TRIM77: variants seen among roughly 807,000 people sequenced by gnomAD.
TRIM77 encodes the protein tripartite motif containing 77.
In TRIM77, 23 loss-of-function variants were observed where a neutral mutation model predicts 31.8. The observed-to-expected ratio is 0.72, with a 90% CI of 0.52 to 1.02. The LOEUF (loss-of-function observed/expected upper bound fraction) is 1.02. Ranked by LOEUF, TRIM77 falls within the 50% of genes least tolerant of loss-of-function variation. The probability of loss-of-function intolerance (pLI) is 0.00; values close to 1 mark genes in which losing one functional copy is unlikely to be tolerated. For missense variants in TRIM77, 446 were observed against 539.2 expected, an observed-to-expected ratio of 0.83 and a Z score of 1.71; for synonymous variants, 159 against 183.1, an observed-to-expected ratio of 0.87 and a Z score of 1.06.
chr11:89,717,570 T>C lies in TRIM77; in HGVS notation c.1051T>C (p.Cys351Arg). The C allele has an allele frequency of 6.4e-7, 1 of 1,551,488 alleles. No homozygotes were observed. Among genetic ancestry groups the C allele is most frequent in the Non-Finnish European group, 8.7e-7 (1 of 1,146,900 alleles). The change falls in exon 6 of 6, where the codon TGT (cysteine) becomes CGT (arginine). Residue 351 changes from cysteine to arginine, a missense_variant. This residue lies in a region of TRIM77 where 366 missense variants were observed against 447.9 expected (regional missense o/e 0.82). Transcript: ENST00000398290. ...HYWEVDVKDS[C>R]NWVIGLCREA... Reference sequence around the variant, plus strand: ...CTGGGAGGTGGATGTGAAAGACTCTTGTAATTGGGTTATAGGACTTTGCAG... The same window carrying C: ...CTGGGAGGTGGATGTGAAAGACTCTCGTAATTGGGTTATAGGACTTTGCAG...
Position 89,715,102 on chromosome 11 carries a change from T to C in TRIM77, c.739-56T>C, listed in dbSNP as rs1338371132. 9 of 1,527,344 alleles carry C rather than the reference T, an allele frequency of 5.9e-6. No homozygotes were observed. In the African/African-American group the frequency reaches 9.6e-5, roughly 16 times the overall value. The allele number at this position is 1,527,344 out of a possible 1,614,324, so 94.6% of individuals were successfully genotyped here. A position where few individuals can be genotyped will look rare whatever the true frequency, so the allele number is the denominator to read the frequency against. On this transcript the variant is annotated intron_variant, in intron 3 of 5. Coordinates refer to ENST00000398290, the MANE Select transcript of TRIM77 (RefSeq NM_001146162.1). ...ATATCCTCAGACTGCATGTCTAGGATATATTGAGAGAACCATGTTGTGCTG... is the reference window on the plus strand; with the variant it reads ...ATATCCTCAGACTGCATGTCTAGGACATATTGAGAGAACCATGTTGTGCTG...
chr11:89,717,847 C>G lies in TRIM77; in HGVS notation c.1328C>G (p.Pro443Arg), dbSNP rs554542454. 5 of 1,542,442 alleles carry G rather than the reference C, an allele frequency of 3.2e-6. No homozygotes were observed. In the South Asian group the frequency reaches 6.1e-5, roughly 19 times the overall value. The stretch of plus-strand genomic sequence containing the variant: ...CGCATCTTCTATTTTCCTCTCAGAC[C>G]TTTCATTTGCCACGGATCTAAATAA... ...LSRIFYFPLR[P>R]FICHGSK The change falls in exon 6 of 6, where the codon CCT becomes CGT. Residue 443 changes from proline to arginine, a missense_variant. By Grantham distance (103) the Pro-to-Arg change is moderately radical (BLOSUM62 -2). Transcript: ENST00000398290.
Position 89,710,566 on chromosome 11 carries a change from A to G in TRIM77, c.268A>G (p.Met90Val), listed in dbSNP as rs771263837. 3.9e-6 allele frequency: 6 copies of G among 1,551,488 alleles called. No homozygotes were observed. The highest frequency in any genetic ancestry group is 1.7e-4 in the Middle Eastern group (1 of 5,990). Residue 90 changes from methionine (M) to valine (V), a missense_variant, in exon 1 of 6, where the codon ATG becomes GTG. Physicochemically the swap from Met to Val is conservative, Grantham distance 21. This residue lies in a region of TRIM77 where 366 missense variants were observed against 447.9 expected (regional missense o/e 0.82). Coordinates refer to ENST00000398290, the MANE Select transcript of TRIM77 (RefSeq NM_001146162.1). ...SVPCQLSSSAMLICRRHQEIK... is the reference protein window; with the variant it reads ...SVPCQLSSSAVLICRRHQEIK... ...CCCCTGCCAGTTATCAAGCTCTGCC[A>G]TGCTGATCTGTAGGAGACACCAGGA...
chr11:89,710,866 T>TA (rs1341921079), intron 1 of TRIM77, among the ~76,000 whole-genome samples, 157 bp downstream of exon 1: 2 of 152,190 alleles, frequency 1.3e-5, no homozygotes, highest in Non-Finnish European at 2.9e-5. Context: ...TTCTAGACAC[T>TA]AAGATAAAGC....
chr11:89,711,981 C>A (rs1949125715), intron 2 of TRIM77, among the ~76,000 whole-genome samples: 1 of 152,158 alleles, frequency 6.6e-6, no homozygotes, highest in Admixed American at 6.6e-5. Flanking sequence ...ATGTGAGTAA[C>A]TCCTCTTGAT....
In TRIM77 at chr11:89,715,909, G is replaced by C. The variant is rs950832246; in HGVS notation, c.781G>C (p.Ala261Pro). ...TTGCAGGAATGAGTTTCTGAGGCTGGCCATGCCTCAGCCTGTGAACCCACA... is the reference window on the plus strand; with the variant it reads ...TTGCAGGAATGAGTTTCTGAGGCTGCCCATGCCTCAGCCTGTGAACCCACA... ...VMKRNEFLRL[A>P]MPQPVNPQLS... The change falls in exon 5 of 6, where the codon GCC becomes CCC. Residue 261 changes from alanine to proline, a missense_variant. Coordinates refer to ENST00000398290, the MANE Select transcript of TRIM77 (RefSeq NM_001146162.1). The C allele has an allele frequency of 8.4e-6, 13 of 1,538,708 alleles. No homozygotes were observed. The highest frequency in any genetic ancestry group is 2.4e-5 in the South Asian group (2 of 83,062).
At chr11:89,716,894 G>T (rs1472555479) in intron 5 of TRIM77, among the ~76,000 whole-genome samples, 2 of 151,902 alleles carry the variant, frequency 1.3e-5, no homozygotes, top group African/African-American at 4.8e-5. Flanking sequence ...TTAAATAAAG[G>T]CCCATTTTGA....
At chr11:89,717,351 T>C (rs1313302252) in intron 5 of TRIM77, 28 bp from the exon 6 acceptor site, 5 of 1,503,786 alleles carry the variant, frequency 3.3e-6, no homozygotes, top group Non-Finnish European at 4.5e-6. Flanking sequence ...AACTGTTTTT[T>C]TGCATTCACT....
intron 2 of TRIM77, among the ~76,000 whole-genome samples, chr11:89,713,275 C>CA (rs1185402054): frequency 0.016 from 671 of 41,210 alleles, 6 homozygotes; most frequent in African/African-American, 0.031. Context: ...GACTCCGTCT[C>CA]AAAAAAAAAA....
intron 2 of TRIM77, 78 bp downstream of exon 2, chr11:89,711,583 C>T: frequency 1.4e-6 from 1 of 714,906 alleles, no homozygotes; most frequent in South Asian, 1.8e-5. Context: ...TTGAGTTAAC[C>T]ATGTGTCCCC....
Position 89,710,581 on chromosome 11 carries a change from A to G in TRIM77, c.283A>G (p.Arg95Gly), listed in dbSNP as rs1443753098. 6 of 1,551,578 alleles carry G rather than the reference A, an allele frequency of 3.9e-6. No homozygotes were observed. The Admixed American group carries it at 9.8e-5, about 25-fold the overall frequency. The change falls in exon 1 of 6, where the codon AGA becomes GGA. Residue 95 changes from arginine (R) to glycine (G), a missense_variant. Around this residue, in one of 3 missense-constraint regions of TRIM77, gnomAD observed 366 missense variants for 447.9 expected, o/e 0.82. Coordinates refer to ENST00000398290, the MANE Select transcript of TRIM77 (RefSeq NM_001146162.1). ...AAGCTCTGCCATGCTGATCTGTAGGAGACACCAGGAAATCAAGAACCTCAT... is the reference window on the plus strand; with the variant it reads ...AAGCTCTGCCATGCTGATCTGTAGGGGACACCAGGAAATCAAGAACCTCAT... Reference protein sequence around the residue: ...LSSSAMLICRRHQEIKNLICE... With the variant: ...LSSSAMLICRGHQEIKNLICE...
rs1206829995 is a variant in TRIM77 at position 89,714,990 on chromosome 11, G to T, written c.739-168G>T. ...TGACTACATGTAGACGTCAGACTGG[G>T]TTTCATATTTATAAAGAAAAAGAAA... On this transcript the variant is annotated intron_variant, in intron 3 of 5. Transcript: ENST00000398290. Among the ~76,000 whole-genome samples, 6 of 152,204 alleles carry T rather than the reference G, an allele frequency of 3.9e-5. No individual in the cohort carries two copies. The East Asian group carries it at 9.7e-4, about 25-fold the overall frequency.
In TRIM77 at chr11:89,714,266, G is replaced by C; in HGVS notation, c.582G>C (p.Glu194Asp). ...PKVCQYLREE[E>D]QKHVESLARE... ...TGTGTCAATACCTCCGTGAAGAAGA[G>C]CAAAAGCACGTAGAGAGCCTGGCAA... Residue 194 changes from glutamate (E) to aspartate (D), a missense_variant, in exon 3 of 6, where the codon GAG becomes GAC. Physicochemically the swap from Glu to Asp is conservative, Grantham distance 45. Coordinates refer to ENST00000398290, the MANE Select transcript of TRIM77 (RefSeq NM_001146162.1). 1 of 1,551,694 alleles carries C rather than the reference G, an allele frequency of 6.4e-7. No individual in the cohort carries two copies. Among genetic ancestry groups the C allele is most frequent in the Non-Finnish European group, 8.7e-7 (1 of 1,147,004 alleles).
chr11:89,717,257 C>A, intron 5 of TRIM77, 122 bp from the exon 6 acceptor site: 1 of 903,052 alleles, frequency 1.1e-6, no homozygotes, highest in South Asian at 1.9e-5. Context: ...TAAACAAAAC[C>A]AGTTGCTTTT....
In TRIM77 at chr11:89,717,464, T is replaced by C. The variant is rs1269575305; in HGVS notation, c.945T>C (p.Asp315=). The C allele has an allele frequency of 3.2e-6, 5 of 1,551,468 alleles. No individual in the cohort carries two copies. The highest frequency in any genetic ancestry group is 1.4e-5 in the African/African-American group (1 of 73,038). The change falls in exon 6 of 6, where the codon GAT becomes GAC. Residue 315 remains aspartate (D), a synonymous_variant. Coordinates refer to ENST00000398290, the MANE Select transcript of TRIM77 (RefSeq NM_001146162.1). ...GGCATTTGCAGTGCAGCCTTGATGATACAGACATGTCCTGTAATCCAACAA... is the reference window on the plus strand; with the variant it reads ...GGCATTTGCAGTGCAGCCTTGATGACACAGACATGTCCTGTAATCCAACAA... The part of the protein sequence containing the change: ...DLRHLQCSLD[D]TDMSCNPTST...
At chr11:89,714,974 G>A (rs1253600601) in intron 3 of TRIM77, among the ~76,000 whole-genome samples, 184 bp from the exon 4 acceptor site, 4 of 152,106 alleles carry the variant, frequency 2.6e-5, no homozygotes, top group African/African-American at 9.7e-5. Context: ...TTGACTACAT[G>A]TAGACGTCAG....
chr11:89,717,720 C>T lies in TRIM77; in HGVS notation c.1201C>T (p.Pro401Ser). The change falls in exon 6 of 6, where the codon CCA (proline) becomes TCA (serine). Residue 401 changes from proline (P) to serine (S), a missense_variant. Pro to Ser is a moderately conservative substitution (Grantham distance 74). Coordinates refer to ENST00000398290, the MANE Select transcript of TRIM77 (RefSeq NM_001146162.1). ...STSPLLPHYI[P>S]RPQGWLGVFL... ...CTCCCCACTGTTACCTCACTATATT[C>T]CAAGGCCCCAAGGCTGGCTAGGGGT... 1 of 1,551,264 alleles carries T rather than the reference C, an allele frequency of 6.4e-7. No homozygotes were observed.
At chr11:89,713,406 T>C (rs1949137355) in intron 2 of TRIM77, among the ~76,000 whole-genome samples, 1 of 147,742 alleles carries the variant, frequency 6.8e-6, no homozygotes, top group South Asian at 2.1e-4. Flanking sequence ...CAGTGAGCCA[T>C]GATTGCACCA....
At chr11:89,716,105 G>A in intron 5 of TRIM77, 118 bp downstream of exon 5, 3 of 517,094 alleles carry the variant, frequency 5.8e-6, no homozygotes, top group Non-Finnish European at 9.5e-6. Context: ...TGAACAAGCA[G>A]GTAAATATGG....
Sources: allele counts gnomAD v4.1 joint callset (sites outside exome capture counted in the v4.1 genomes callset), GRCh38; gene constraint gnomAD v4.1.1; regional missense constraint gnomAD v4.1.1; transcripts MANE v1.5; gene names NCBI Gene and HGNC (gene_info 2026-07-23, HGNC 2026-07-21).